PAK3: variants seen among roughly 807,000 people sequenced by gnomAD.
PAK3 encodes p21 (RAC1) activated kinase 3, also known as serine/threonine-protein kinase PAK 3.
PAK3 carries 4 observed loss-of-function variants against 41.0 expected under a neutral mutation model. That is an observed-to-expected ratio of 0.10 (90% CI 0.05 to 0.22). The LOEUF (loss-of-function observed/expected upper bound fraction) is 0.22, where lower values mean the gene tolerates loss of function less well. PAK3 is among the 10% of genes least tolerant of loss of function. PAK3 has a pLI of 1.00. For missense variants in PAK3, 205 were observed against 409.9 expected (o/e 0.50, Z 4.32); for synonymous variants, 146 against 139.6 (o/e 1.05, Z -0.32).
chrX:111,122,997 A>G (rs918281946), intron 4 of PAK3, 80 bp from the exon 5 acceptor site: 3 of 619,628 alleles, frequency 4.8e-6, no homozygotes, highest in East Asian at 3.2e-5. Flanking sequence ...TTTTGTTTCT[A>G]AGATGTTAGA....
intron 1 of PAK3, among the ~76,000 whole-genome samples, chrX:111,006,849 C>CTTTCTTTCTTTCTTTCTTTTTTT (rs1556434441): frequency 4.7e-5 from 2 of 42,717 alleles, no homozygotes; most frequent in East Asian, 9.2e-4. Context: ...TTCTTTCTTT[C>CTTTCTTTCTTTCTTTCTTTTTTT]TTTTTTTTTT....
At chrX:110,957,599 C>T (rs997787930) in intron 1 of PAK3, among the ~76,000 whole-genome samples, 1 of 111,613 alleles carries the variant, frequency 9.0e-6, no homozygotes, top group African/African-American at 3.3e-5. Context: ...TGCAGGGACC[C>T]TGGCCATGGC....
chrX:111,202,513 G>T (rs2094695136), intron 16 of PAK3, among the ~76,000 whole-genome samples: 1 of 111,288 alleles, frequency 9.0e-6, no homozygotes, highest in Non-Finnish European at 1.9e-5. Flanking sequence ...AAAGTGACTG[G>T]GGTTAAAAAT....
Position 111,096,276 on chromosome X carries a change from G to T in PAK3, c.-492G>T, listed in dbSNP as rs751584564. 8.9e-6 allele frequency: 1 copy of T among 112,063 alleles called. No individual in the cohort carries two copies. The highest frequency in any genetic ancestry group is 9.3e-5 in the Admixed American group (1 of 10,706). The allele number at this position is 112,063 out of a possible 1,213,427, so 9.2% of individuals were successfully genotyped here. ...TTTCCCCGCCTCGAGCCAGTGTGCG[G>T]GGGCGGGAGAAGAGCCAGGGGGAGC... On this transcript the variant is annotated 5_prime_UTR_variant, in exon 1 of 18. Transcript: ENST00000372007.
At chrX:111,006,516 A>G (rs997671268) in intron 1 of PAK3, among the ~76,000 whole-genome samples, 3 of 112,024 alleles carry the variant, frequency 2.7e-5, no homozygotes, top group Non-Finnish European at 3.8e-5. Flanking sequence ...TACTATTCTT[A>G]GAACTCTTCT....
intron 6 of PAK3, among the ~76,000 whole-genome samples, chrX:111,142,409 T>C (rs779514101): frequency 8.9e-6 from 1 of 112,624 alleles, no homozygotes; most frequent in South Asian, 3.6e-4. Context: ...AAAAGTTTGA[T>C]CACTGTATAG....
chrX:111,107,590 T>C (rs1342854534), intron 4 of PAK3, among the ~76,000 whole-genome samples: 3 of 111,807 alleles, frequency 2.7e-5, no homozygotes, highest in African/African-American at 9.8e-5. Flanking sequence ...AGGGTGTCTC[T>C]AGTACATGGC....
intron 1 of PAK3, among the ~76,000 whole-genome samples, chrX:110,952,908 C>T (rs1356919622): frequency 2.7e-5 from 3 of 111,614 alleles, no homozygotes; most frequent in Non-Finnish European, 5.7e-5. Context: ...TAATGAATGT[C>T]CTGTTTTAAA....
intron 1 of PAK3, among the ~76,000 whole-genome samples, chrX:111,063,340 G>T (rs756292526): frequency 5.4e-5 from 6 of 112,116 alleles, no homozygotes; most frequent in Non-Finnish European, 1.1e-4. Flanking sequence ...GCTTAGCAAA[G>T]AGTCTAGCAA....
At chrX:111,095,211 G>A (rs2092964264), upstream of PAK3, among the ~76,000 whole-genome samples, 1 of 111,982 alleles carries the variant, frequency 8.9e-6, no homozygotes, top group Non-Finnish European at 1.9e-5. Context: ...AAATTTGAAA[G>A]TAGAAAGAAA....
At chrX:111,172,888 A>C (rs1302083469) in intron 10 of PAK3, 130 bp from the exon 11 acceptor site, 10 of 514,460 alleles carry the variant, frequency 1.9e-5, no homozygotes, top group Non-Finnish European at 3.5e-5. Flanking sequence ...CTAATGTTTT[A>C]TTTGTCACTG....
intron 5 of PAK3, among the ~76,000 whole-genome samples, chrX:111,124,864 A>G (rs1332519875): frequency 3.9e-5 from 2 of 51,684 alleles, no homozygotes; most frequent in African/African-American, 8.5e-5. Context: ...GATGTTCAAG[A>G]CTACTTAAAA....
chrX:111,196,711 C>T (rs1315642425), intron 16 of PAK3, 71 bp downstream of exon 16: 1 of 774,122 alleles, frequency 1.3e-6, no homozygotes, highest in Non-Finnish European at 2.0e-6. Flanking sequence ...TTCTGGCTTC[C>T]ACCAAAAGTG....
rs1449977389 is a variant in PAK3, at chrX:111,220,949, A to G, written c.*502A>G. 9.2e-6 allele frequency: 1 copy of G among 108,636 alleles called. No homozygotes were observed. The highest frequency in any genetic ancestry group is 1.9e-5 in the Non-Finnish European group (1 of 53,119). The allele number at this position is 108,636 out of a possible 1,213,427, so 9.0% of individuals were successfully genotyped here. A position where few individuals can be genotyped will look rare whatever the true frequency, so the allele number is the denominator to read the frequency against. ...AAGAAAGCAAAAAAAGCAAGGCAAA[A>G]AAAAAAAAAAAAACAAACAAAAACA... On this transcript the variant is annotated 3_prime_UTR_variant, in exon 18 of 18. Coordinates refer to ENST00000372007, the MANE Select transcript of PAK3 (RefSeq NM_002578.5).
chrX:110,954,910 G>A (rs2090823213), intron 1 of PAK3, among the ~76,000 whole-genome samples: 2 of 111,189 alleles, frequency 1.8e-5, no homozygotes, highest in South Asian at 7.9e-4. Context: ...CTGGGAGGCA[G>A]GGAGTGACTT....
intron 5 of PAK3, among the ~76,000 whole-genome samples, chrX:111,140,571 G>A (rs2093855991): frequency 8.9e-6 from 1 of 111,839 alleles, no homozygotes; most frequent in Non-Finnish European, 1.9e-5. Context: ...AAACTTCACT[G>A]TTAGGATAAT....
intron 4 of PAK3, among the ~76,000 whole-genome samples, chrX:111,113,055 A>G (rs2093403043): frequency 8.9e-6 from 1 of 111,828 alleles, no homozygotes; most frequent in Non-Finnish European, 1.9e-5. Context: ...CTAATCTAGC[A>G]TGCTTGAAGT....
At chrX:111,220,093 C>T (rs2094915581) in intron 17 of PAK3, among the ~76,000 whole-genome samples, 2 of 111,012 alleles carry the variant, frequency 1.8e-5, no homozygotes, top group South Asian at 3.9e-4. Flanking sequence ...TTAGGAAAAT[C>T]AGAGAGTCAG....
intron 11 of PAK3, among the ~76,000 whole-genome samples, chrX:111,176,965 CA>C (rs67321349): frequency 0.14 from 12,931 of 89,554 alleles, 2,014 homozygotes; most frequent in African/African-American, 0.44. Flanking sequence ...CTTTCTGGAC[CA>C]AAAAAAAAAA....
Sources: gnomAD v4.1 joint callset for allele counts (sites outside exome capture counted in the v4.1 genomes callset) on GRCh38, gnomAD v4.1.1 for gene constraint, MANE v1.5 for transcripts, NCBI Gene and HGNC (gene_info 2026-07-23, HGNC 2026-07-21) for gene names.